ZNF146: variants seen among roughly 807,000 people sequenced by gnomAD.
ZNF146 encodes zinc finger protein 146.
Under a neutral mutation model 22.2 loss-of-function variants are expected in ZNF146, and 9 were observed. The observed-to-expected ratio is 0.41, with a 90% CI of 0.24 to 0.71. The LOEUF (loss-of-function observed/expected upper bound fraction) is 0.71. ZNF146 is among the 30% of genes least tolerant of loss of function. ZNF146 has a pLI of 0.34. For synonymous variants in ZNF146, 108 were observed against 119.2 expected (o/e 0.91, Z 0.61); for missense variants, 194 against 344.8 (o/e 0.56, Z 3.46).
Position 36,237,860 on chromosome 19 carries a change from G to A in ZNF146, c.*541G>A, listed in dbSNP as rs1471889346. 1 of 166,988 alleles carries A rather than the reference G, an allele frequency of 6.0e-6. No homozygotes were observed. The highest frequency in any genetic ancestry group is 1.5e-5 in the Non-Finnish European group (1 of 68,202). The allele number at this position is 166,988 out of a possible 1,614,324, so 10.3% of individuals were successfully genotyped here. A position where few individuals can be genotyped will look rare whatever the true frequency, so the allele number is the denominator to read the frequency against. ...TAAGTGGAGGTAGTTTGTTCTCCAA[G>A]GGGGAAAAATAGACCATGAACTATA... On this transcript the variant is annotated 3_prime_UTR_variant, in exon 4 of 4. Coordinates refer to ENST00000443387, the MANE Select transcript of ZNF146 (RefSeq NM_007145.3).
At chr19:36,227,445 G>T (rs574320572) in intron 2 of ZNF146, among the ~76,000 whole-genome samples, 2 of 151,450 alleles carry the variant, frequency 1.3e-5, no homozygotes, top group African/African-American at 2.4e-5. Flanking sequence ...CTATTCATAG[G>T]CATGATCATG....
chr19:36,232,064 G>A (rs10415410), intron 3 of ZNF146, among the ~76,000 whole-genome samples: 39,293 of 151,632 alleles, frequency 0.26, 5,490 homozygotes, highest in African/African-American at 0.37. Flanking sequence ...CTAGCTGGGC[G>A]TGGTGATGCA....
chr19:36,223,421 G>A (rs1976939843), intron 2 of ZNF146, among the ~76,000 whole-genome samples: 1 of 151,898 alleles, frequency 6.6e-6, no homozygotes, highest in African/African-American at 2.4e-5. Flanking sequence ...GGAATGCAGT[G>A]GTGCGATTTC....
upstream of ZNF146, chr19:36,215,087 G>A (rs2145378534): frequency 6.6e-6 from 1 of 152,514 alleles, no homozygotes; most frequent in Non-Finnish European, 1.5e-5. Flanking sequence ...AGACTTCTGG[G>A]AGTGCTTCCT....
chr19:36,234,809 A>G (rs1019341366), intron 3 of ZNF146, among the ~76,000 whole-genome samples: 2 of 152,296 alleles, frequency 1.3e-5, no homozygotes, highest in East Asian at 3.9e-4. Flanking sequence ...CATTTGCTGA[A>G]TGCCCCTGAG....
At chr19:36,228,278 A>G (rs964987005) in intron 2 of ZNF146, among the ~76,000 whole-genome samples, 20 of 149,100 alleles carry the variant, frequency 1.3e-4, no homozygotes, top group African/African-American at 5.0e-4. Flanking sequence ...ACTTCTTCAC[A>G]TTGTGCCCAT....
rs1977642299 is a variant in ZNF146 at position 36,236,323 on chromosome 19, A to C, written c.-118A>C. 1 of 1,239,104 alleles carries C rather than the reference A, an allele frequency of 8.1e-7. No individual in the cohort carries two copies. Among genetic ancestry groups the C allele is most frequent in the Non-Finnish European group, 1.1e-6 (1 of 901,704 alleles). 76.8% of individuals were successfully genotyped at this position (1,239,104 alleles called of 1,614,324 possible). On this transcript the variant is annotated 5_prime_UTR_variant, in exon 4 of 4. Coordinates refer to ENST00000443387, the MANE Select transcript of ZNF146 (RefSeq NM_007145.3). ...ACTCTGCATTTGGGAGATCATACAC[A>C]GAGAAGCCTTATAAATGTAAGAGAT...
chr19:36,226,621 T>C (rs1048218641), intron 2 of ZNF146, among the ~76,000 whole-genome samples: 3 of 152,220 alleles, frequency 2.0e-5, no homozygotes, highest in African/African-American at 7.2e-5. Flanking sequence ...ATGCTTCCTT[T>C]ATCTATAAAT....
intron 3 of ZNF146, among the ~76,000 whole-genome samples, chr19:36,232,609 C>CTTTTTTT (rs548903056): frequency 3.6e-5 from 5 of 140,068 alleles, no homozygotes; most frequent in Non-Finnish European, 3.1e-5. Flanking sequence ...TTTCTTTTTT[C>CTTTTTTT]TTTTTTTTTT....
rs1977190937 is a variant in ZNF146 at position 36,228,746 on chromosome 19, A to G, written c.-854-2A>G. ...TGTAATACTGTGTCATTTTCCCAAT[A>G]GTTAATATGATCCTCTGTTGAAGCA... On this transcript the variant is annotated splice_acceptor_variant, in intron 2 of 3. Coordinates refer to ENST00000443387, the MANE Select transcript of ZNF146 (RefSeq NM_007145.3). LOFTEE classifies it low-confidence loss of function (5UTR_SPLICE). The G allele has an allele frequency of 1.3e-5, 2 of 152,222 alleles. No homozygotes were observed. The highest frequency in any genetic ancestry group is 1.3e-4 in the Admixed American group (2 of 15,276). The allele number at this position is 152,222 out of a possible 1,614,324, so 9.4% of individuals were successfully genotyped here. A position where few individuals can be genotyped will look rare whatever the true frequency, so the allele number is the denominator to read the frequency against.
intron 3 of ZNF146, among the ~76,000 whole-genome samples, chr19:36,234,239 A>G (rs953603031): frequency 1.5e-4 from 23 of 152,162 alleles, no homozygotes; most frequent in African/African-American, 5.3e-4. Context: ...AGGCAGAATA[A>G]TTTTTCTTAG....
Position 36,236,655 on chromosome 19 carries a change from T to C in ZNF146, c.215T>C (p.Phe72Ser). 1 of 1,614,118 alleles carries C rather than the reference T, an allele frequency of 6.2e-7. No homozygotes were observed. Among genetic ancestry groups the C allele is most frequent in the Non-Finnish European group, 8.5e-7 (1 of 1,180,010 alleles). Reference protein sequence around the residue: ...HQNTHTGEKLFECNECGKSFS... With the variant: ...HQNTHTGEKLSECNECGKSFS... ...AACACCCATACTGGCGAGAAGCTTT[T>C]CGAATGTAATGAATGTGGAAAATCA... Residue 72 changes from phenylalanine (F) to serine (S), a missense_variant, in exon 4 of 4, where the codon TTC becomes TCC. Phe to Ser is a radical substitution (Grantham distance 155). Around this residue, in one of 2 missense-constraint regions of ZNF146, gnomAD observed 147 missense variants for 300.1 expected, o/e 0.49. Coordinates refer to ENST00000443387, the MANE Select transcript of ZNF146 (RefSeq NM_007145.3).
intron 2 of ZNF146, among the ~76,000 whole-genome samples, chr19:36,224,826 C>T (rs554801759): frequency 1.3e-5 from 2 of 152,160 alleles, no homozygotes; most frequent in East Asian, 3.9e-4. Context: ...TTTGGGTCCT[C>T]TAGGGTGTTT....
At chr19:36,222,928 C>G (rs1051461676) in intron 2 of ZNF146, among the ~76,000 whole-genome samples, 1 of 151,182 alleles carries the variant, frequency 6.6e-6, no homozygotes, top group African/African-American at 2.4e-5. Context: ...TAGAATGAGC[C>G]CCCTGTGGTT....
At chr19:36,235,194 C>T (rs937360198) in intron 3 of ZNF146, among the ~76,000 whole-genome samples, 4 of 146,232 alleles carry the variant, frequency 2.7e-5, no homozygotes, top group East Asian at 2.1e-4. Flanking sequence ...GGATAACGAG[C>T]GAAATTCCGT....
chr19:36,229,659 A>T (rs1977237865), intron 3 of ZNF146, among the ~76,000 whole-genome samples: 1 of 152,140 alleles, frequency 6.6e-6, no homozygotes, highest in Non-Finnish European at 1.5e-5. Flanking sequence ...GTGGTATATT[A>T]TATATTCTAT....
At chr19:36,230,871 G>T (rs1258543667) in intron 3 of ZNF146, among the ~76,000 whole-genome samples, 1 of 151,984 alleles carries the variant, frequency 6.6e-6, no homozygotes, top group Non-Finnish European at 1.5e-5. Context: ...GTGCGATCTC[G>T]GCTCACTGCA....
chr19:36,229,166 T>C (rs550255365), intron 3 of ZNF146, among the ~76,000 whole-genome samples: 3 of 152,236 alleles, frequency 2.0e-5, no homozygotes, highest in Non-Finnish European at 2.9e-5. Context: ...TTGTCTGATA[T>C]TCAGGTTCCT....
At chr19:36,226,612 T>C (rs1977077760) in intron 2 of ZNF146, among the ~76,000 whole-genome samples, 1 of 152,216 alleles carries the variant, frequency 6.6e-6, no homozygotes, top group African/African-American at 2.4e-5. Context: ...GTTGTGGACA[T>C]GCTTCCTTTA....
Sources: gnomAD v4.1 joint callset for allele counts (sites outside exome capture counted in the v4.1 genomes callset) on GRCh38, gnomAD v4.1.1 for gene constraint, gnomAD v4.1.1 regional missense constraint, MANE v1.5 for transcripts, NCBI Gene and HGNC (gene_info 2026-07-23, HGNC 2026-07-21) for gene names.